ZFP64: variants seen among roughly 807,000 people sequenced by gnomAD.
The protein encoded by ZFP64 is zinc finger protein 64.
Under a neutral mutation model 51.6 loss-of-function variants are expected in ZFP64, and 14 were observed. That is an observed-to-expected ratio of 0.27 (90% CI 0.18 to 0.42). The LOEUF (loss-of-function observed/expected upper bound fraction) is 0.42, where lower values mean the gene tolerates loss of function less well. Among genes scored for constraint, ZFP64 ranks in the 10% least tolerant of loss-of-function variants. The pLI is 1.00. For missense variants in ZFP64, 754 were observed against 906.8 expected (o/e 0.83, Z 2.16); for synonymous variants, 375 against 361.4 (o/e 1.04, Z -0.43).
downstream of ZFP64, among the ~76,000 whole-genome samples, chr20:52,146,804 A>G (rs1233589436): frequency 6.6e-6 from 1 of 152,194 alleles, no homozygotes; most frequent in South Asian, 2.1e-4. Context: ...GTTGACCAAA[A>G]TGCTCTTATG....
intron 5 of ZFP64, among the ~76,000 whole-genome samples, chr20:52,131,472 A>G (rs1979719449): frequency 1.3e-5 from 2 of 152,192 alleles, no homozygotes; most frequent in Non-Finnish European, 2.9e-5. Flanking sequence ...TCTGCTGCCT[A>G]CAAGAAACAC....
intron 5 of ZFP64, among the ~76,000 whole-genome samples, chr20:52,100,024 C>T (rs141183176): frequency 3.9e-5 from 6 of 152,336 alleles, no homozygotes; most frequent in South Asian, 2.1e-4. Flanking sequence ...GACGGAGTCT[C>T]GCTCTGTCAC....
chr20:52,153,309 G>T lies in ZFP64; in HGVS notation c.883C>A (p.Arg295Ser). ...TTGAGGTTCCCCTTCATGGTGCAGC[G>T]GACATTGCAGAACTCGCACTTGAAA... ...KPFKCEFCNV[R>S]CTMKGNLKSH... The change falls in exon 6 of 6, where the codon CGC becomes AGC. Residue 295 changes from arginine (R) to serine (S), a missense_variant. By Grantham distance (110) the Arg-to-Ser change is moderately radical. Transcript: ENST00000216923. This position sits in a 1 kb window ranked among gnomAD's most constrained non-coding sequence, Gnocchi z 5.1. 6.2e-7 allele frequency: 1 copy of T among 1,614,176 alleles called. No homozygotes were observed.
chr20:52,167,291 CT>C (rs1310672708), intron 2 of ZFP64, among the ~76,000 whole-genome samples: 2 of 151,896 alleles, frequency 1.3e-5, no homozygotes, highest in East Asian at 3.9e-4. Flanking sequence ...TGCTGTTACA[CT>C]CCAGCCTGGG....
At chr20:52,095,139 C>T (rs1023791100) in intron 7 of ZFP64, among the ~76,000 whole-genome samples, 1 of 152,234 alleles carries the variant, frequency 6.6e-6, no homozygotes, top group Admixed American at 6.5e-5. Context: ...GGGTCAGAGA[C>T]ACACGCTGAC....
Position 52,128,716 on chromosome 20 carries a change from A to C in ZFP64, c.764-30129T>G, listed in dbSNP as rs6096779. 2.2e-3 allele frequency among the ~76,000 whole-genome samples: 328 copies of C among 152,184 alleles called. 1 individual carries two copies. The highest frequency in any genetic ancestry group is 7.5e-3 in the African/African-American group (311 of 41,536). The stretch of plus-strand genomic sequence containing the variant: ...AGTCACCATTTTACTAAAGCTTCTG[A>C]GCTTGGTCTTCCGTCAGTAACAAGG... On this transcript the variant is annotated intron_variant, in intron 5 of 8. Transcript: ENST00000361387.
At chr20:52,161,096 C>A (rs6096800) in intron 4 of ZFP64, among the ~76,000 whole-genome samples, 7,567 of 152,160 alleles carry the variant, frequency 0.05, 632 homozygotes, top group African/African-American at 0.17. Flanking sequence ...AAGTGCCTGG[C>A]TGGTCCCTAG....
At position 52,152,886 on chromosome 20, in the gene ZFP64, G is replaced by T. The variant is rs754875492; in HGVS notation, c.1306C>A (p.Arg436=). Residue 436 remains arginine (R), a synonymous_variant, in exon 6 of 6, where the codon CGG becomes AGG. Transcript: ENST00000216923. ...TTGTGGCTGCGGAGCGAGTCCTCCC[G>T]CATGAAGGAGGCATCGCATATATCG... ...HCDICDASFM[R]EDSLRSHKRQ... is the part of the protein sequence containing the mutation. The T allele has an allele frequency of 1.2e-6, 2 of 1,613,908 alleles. No individual in the cohort carries two copies. Among genetic ancestry groups the T allele is most frequent in the East Asian group, 4.5e-5 (2 of 44,878 alleles).
At chr20:52,137,967 G>T (rs943969246) in intron 5 of ZFP64, among the ~76,000 whole-genome samples, 2 of 151,824 alleles carry the variant, frequency 1.3e-5, no homozygotes, top group Non-Finnish European at 2.9e-5. Context: ...CTTGAGCCCA[G>T]GAGTTCGAGA....
intron 4 of ZFP64, among the ~76,000 whole-genome samples, chr20:52,164,363 G>T (rs1265992075): frequency 6.6e-6 from 1 of 152,108 alleles, no homozygotes; most frequent in African/African-American, 2.4e-5. Flanking sequence ...ACACACATAT[G>T]AACTCGTAGG....
rs531069705 is a variant in ZFP64 at position 52,175,950 on chromosome 20, G to T, written c.287-9925C>A. ...ACGCTGTTCCCAAACGGCCTTTACC[G>T]TCCACAGTGGGCGTTAGACCGGCCC... On this transcript the variant is annotated intron_variant, in intron 2 of 5. Transcript: ENST00000216923. 6 of 979,956 alleles carry T rather than the reference G, an allele frequency of 6.1e-6. No homozygotes were observed. The Admixed American group carries it at 4.0e-4, about 66-fold the overall frequency. 60.7% of individuals were successfully genotyped at this position (979,956 alleles called of 1,614,324 possible).
At chr20:52,158,179 T>G (rs1222768390) in intron 5 of ZFP64, among the ~76,000 whole-genome samples, 4 of 152,212 alleles carry the variant, frequency 2.6e-5, no homozygotes, top group Non-Finnish European at 5.9e-5. Flanking sequence ...TTATGGTAAT[T>G]ATTTTGGCTT....
At chr20:52,123,389 G>C (rs998472441) in intron 5 of ZFP64, among the ~76,000 whole-genome samples, 2 of 152,154 alleles carry the variant, frequency 1.3e-5, no homozygotes, top group Non-Finnish European at 2.9e-5. Flanking sequence ...AATCTTTTGT[G>C]ACAGGAAGTG....
intron 7 of ZFP64, among the ~76,000 whole-genome samples, chr20:52,091,725 C>G (rs1412539327): frequency 6.6e-6 from 1 of 151,782 alleles, no homozygotes. Flanking sequence ...CGGTGGCTCA[C>G]GTCTGTAATC....
exon 9 of ZFP64, chr20:52,084,498 A>T (rs2078842572): frequency 6.6e-7 from 1 of 1,511,896 alleles, no homozygotes; most frequent in Non-Finnish European, 8.9e-7. Context: ...TCACCTCTGG[A>T]GGGCTGGGCA....
chr20:52,156,418 G>A lies in ZFP64; in HGVS notation c.764-2990C>T, dbSNP rs763136051. Among the ~76,000 whole-genome samples the A allele has an allele frequency of 1.2e-4, 19 of 152,282 alleles. No individual in the cohort carries two copies. The South Asian group carries it at 1.5e-3, about 12-fold the overall frequency. On this transcript the variant is annotated intron_variant, in intron 5 of 5. Coordinates refer to ENST00000216923, the MANE Select transcript of ZFP64 (RefSeq NM_018197.3). ...GCTTACACCTCGGTCATGACCATGC[G>A]GTCAATCCTGGCCTAACCTGCTGGT...
chr20:52,111,099 G>A, intron 5 of ZFP64: 1 of 920,584 alleles, frequency 1.1e-6, no homozygotes, highest in South Asian at 1.4e-5. Flanking sequence ...GCGGCAGGGA[G>A]AGAGACGCGG....
In ZFP64 at chr20:52,152,303, A is replaced by C. The variant is rs1317279253; in HGVS notation, c.1889T>G (p.Val630Gly). The C allele has an allele frequency of 4.3e-6, 7 of 1,614,142 alleles. No homozygotes were observed. The highest frequency in any genetic ancestry group is 5.9e-6 in the Non-Finnish European group (7 of 1,180,016). ...GATGTTCTGGCCTCCATCGCTCACC[A>C]CTGTCACTTCTGCTGTCCCCTCCTG... ...LIQEGTAEVT[V>G]VSDGGQNIAV... The change falls in exon 6 of 6, where the codon GTG becomes GGG. Residue 630 changes from valine (V) to glycine (G), a missense_variant. Val to Gly is a moderately radical substitution (Grantham distance 109). Transcript: ENST00000216923.
chr20:52,107,275 T>G (rs1262952620), intron 5 of ZFP64, among the ~76,000 whole-genome samples: 1 of 152,148 alleles, frequency 6.6e-6, no homozygotes, highest in Non-Finnish European at 1.5e-5. Context: ...TGTTGTTATT[T>G]CACCTCAGGT....
Sources: gnomAD v4.1 joint callset for allele counts (sites outside exome capture counted in the v4.1 genomes callset) on GRCh38, gnomAD v4.1.1 for gene constraint, Gnocchi (gnomAD v3.1) non-coding constraint, MANE v1.5 for transcripts, NCBI Gene and HGNC (gene_info 2026-07-23, HGNC 2026-07-21) for gene names.